Variants in GMEB1 observed in about 807,000 individuals in gnomAD.
GMEB1 encodes glucocorticoid modulatory element-binding protein 1.
Under a neutral mutation model 52.4 loss-of-function variants are expected in GMEB1, and 6 were observed. The observed-to-expected ratio is 0.11, with a 90% CI of 0.06 to 0.23. The LOEUF is 0.23. Ranked by LOEUF, GMEB1 falls within the 10% of genes least tolerant of loss-of-function variation. GMEB1 has a pLI of 1.00. For synonymous variants in GMEB1, 255 were observed against 244.9 expected, an observed-to-expected ratio of 1.04 and a Z score of -0.38; for missense variants, 486 against 685.6, an observed-to-expected ratio of 0.71 and a Z score of 3.25.
intron 9 of GMEB1, among the ~76,000 whole-genome samples, chr1:28,713,859 A>T (rs571790832): frequency 4.1e-4 from 62 of 152,234 alleles, no homozygotes; most frequent in Admixed American, 2.3e-3. Context: ...ATAGTGCGCA[A>T]TGATAGCACC....
intron 1 of GMEB1, among the ~76,000 whole-genome samples, chr1:28,670,311 C>G (rs1359562018): frequency 1.3e-5 from 2 of 151,828 alleles, no homozygotes; most frequent in African/African-American, 4.8e-5. Context: ...TGCCACCACA[C>G]CAGCCAATTT....
rs2124603898 is a variant in GMEB1 at position 28,714,937 on chromosome 1, T to C, written c.*164T>C. The C allele has an allele frequency of 3.3e-6, 2 of 597,880 alleles. No individual in the cohort carries two copies. Among genetic ancestry groups the C allele is most frequent in the East Asian group, 5.6e-5 (2 of 35,666 alleles). The allele number at this position is 597,880 out of a possible 1,614,324, so 37.0% of individuals were successfully genotyped here. A position where few individuals can be genotyped will look rare whatever the true frequency, so the allele number is the denominator to read the frequency against. ...ATGTTGGGTTCTTCCCACTCCCTCATTGAAAAATGGACAAAACAAGCTGCC... is the reference window on the plus strand; with the variant it reads ...ATGTTGGGTTCTTCCCACTCCCTCACTGAAAAATGGACAAAACAAGCTGCC... On this transcript the variant is annotated 3_prime_UTR_variant, in exon 10 of 10. Transcript: ENST00000373816.
chr1:28,677,280 T>C (rs1388341189), intron 1 of GMEB1, among the ~76,000 whole-genome samples: 1 of 151,858 alleles, frequency 6.6e-6, no homozygotes, highest in Non-Finnish European at 1.5e-5. Flanking sequence ...TTTTTGGAGA[T>C]GGAGTATTGC....
In GMEB1 at chr1:28,716,429, C is replaced by T. The variant is rs1485943027; in HGVS notation, c.*1656C>T. Reference sequence around the variant, plus strand: ...CATTTGGTGCTTCCTCTTGTTCTGCCCTCCATCCCTCAACTCTTAATGGCA... The same window carrying T: ...CATTTGGTGCTTCCTCTTGTTCTGCTCTCCATCCCTCAACTCTTAATGGCA... On this transcript the variant is annotated 3_prime_UTR_variant, in exon 10 of 10. Coordinates refer to ENST00000373816, the MANE Select transcript of GMEB1 (RefSeq NM_001319674.2). The T allele has an allele frequency of 1.3e-5, 2 of 152,080 alleles. No individual in the cohort carries two copies. Among genetic ancestry groups the T allele is most frequent in the East Asian group, 1.9e-4 (1 of 5,182 alleles). The allele number at this position is 152,080 out of a possible 1,614,324, so 9.4% of individuals were successfully genotyped here.
At chr1:28,705,950 C>A (rs541952214) in intron 8 of GMEB1, among the ~76,000 whole-genome samples, 1 of 144,346 alleles carries the variant, frequency 6.9e-6, no homozygotes, top group African/African-American at 2.5e-5. Flanking sequence ...GTCAGGAGAT[C>A]GAGACCATCC....
At position 28,690,212 on chromosome 1, in the gene GMEB1, T is replaced by TG. The variant is rs768015672; in HGVS notation, c.211+26_211+27insG. The TG allele has an allele frequency of 1.8e-5, 19 of 1,075,312 alleles. No homozygotes were observed. In the African/African-American group the frequency reaches 2.6e-4, roughly 15 times the overall value. 66.6% of individuals were successfully genotyped at this position (1,075,312 alleles called of 1,614,324 possible). On this transcript the variant is annotated intron_variant, in intron 3 of 9. Coordinates refer to ENST00000373816, the MANE Select transcript of GMEB1 (RefSeq NM_001319674.2). Reference sequence around the variant, plus strand: ...GTAAGGGTTTTTTTGTGTTTTTTTTTTTTTTTTTTTTTGTCATTCTAATAC... The same window carrying TG: ...GTAAGGGTTTTTTTGTGTTTTTTTTTGTTTTTTTTTTTTGTCATTCTAATAC...
chr1:28,686,578 G>A (rs1201810787), intron 2 of GMEB1, among the ~76,000 whole-genome samples: 3 of 144,646 alleles, frequency 2.1e-5, no homozygotes, highest in South Asian at 2.2e-4. Flanking sequence ...GCAGTGAGCC[G>A]AGATTGCACT....
intron 8 of GMEB1, among the ~76,000 whole-genome samples, chr1:28,707,203 A>G (rs982191910): frequency 1.1e-4 from 16 of 151,396 alleles, no homozygotes; most frequent in Middle Eastern, 3.4e-3. Flanking sequence ...AGCGTGGTCT[A>G]GATCTCCTGA....
rs904427123 is a variant in GMEB1, at chr1:28,715,126, A to G, written c.*353A>G. 1 of 209,958 alleles carries G rather than the reference A, an allele frequency of 4.8e-6. No individual in the cohort carries two copies. The highest frequency in any genetic ancestry group is 2.3e-5 in the African/African-American group (1 of 43,346). The allele number at this position is 209,958 out of a possible 1,614,324, so 13.0% of individuals were successfully genotyped here. On this transcript the variant is annotated 3_prime_UTR_variant, in exon 10 of 10. Transcript: ENST00000373816. ...TGTGGTTTTATTCTTGTAAAGATGC[A>G]TTGACCAAACTCTGGAACACAGATC...
Position 28,718,837 on chromosome 1 carries a change from G to T in GMEB1, c.*4064G>T, listed in dbSNP as rs538443763. 1 of 152,294 alleles carries T rather than the reference G, an allele frequency of 6.6e-6. No individual in the cohort carries two copies. The highest frequency in any genetic ancestry group is 6.5e-5 in the Admixed American group (1 of 15,284). 9.4% of individuals were successfully genotyped at this position (152,294 alleles called of 1,614,324 possible). ...AACAAAGCATGAAGTGCCTAACCCA[G>T]CTTAGCGGTGTAGAGGTGGGGTCAG... On this transcript the variant is annotated 3_prime_UTR_variant, in exon 10 of 10. Transcript: ENST00000373816.
chr1:28,714,070 T>A lies in GMEB1; in HGVS notation c.992-3T>A, dbSNP rs1403110902. ...ACACAAAGTCTTTTCTTTTTTTCCA[T>A]AGACTTGGAACGCCAGTTGGAGGAG... On this transcript the variant is annotated splice_region_variant and splice_polypyrimidine_tract_variant and intron_variant, in intron 9 of 9. Transcript: ENST00000373816. 6.3e-7 allele frequency: 1 copy of A among 1,599,060 alleles called. No homozygotes were observed.
intron 1 of GMEB1, among the ~76,000 whole-genome samples, chr1:28,674,480 C>T (rs1481203922): frequency 6.6e-6 from 1 of 151,926 alleles, no homozygotes; most frequent in African/African-American, 2.4e-5. Flanking sequence ...CTGCAACCTC[C>T]GCCTCCTGGG....
intron 1 of GMEB1, among the ~76,000 whole-genome samples, chr1:28,681,663 T>C (rs769476702): frequency 6.6e-6 from 1 of 152,068 alleles, no homozygotes; most frequent in Non-Finnish European, 1.5e-5. Flanking sequence ...GGCAAACAAG[T>C]GCTGTGGGAG....
intron 6 of GMEB1, among the ~76,000 whole-genome samples, chr1:28,698,000 T>C (rs1237356338): frequency 6.6e-6 from 1 of 151,876 alleles, no homozygotes; most frequent in Non-Finnish European, 1.5e-5. Context: ...ATTAGCCAGG[T>C]GTGGTGGCGT....
Position 28,692,307 on chromosome 1 carries a change from G to A in GMEB1, c.336+598G>A, listed in dbSNP as rs148674668. Among the ~76,000 whole-genome samples, 507 of 152,040 alleles carry A rather than the reference G, an allele frequency of 3.3e-3. 3 individuals are homozygous for A. Among genetic ancestry groups the A allele is most frequent in the African/African-American group, 0.012 (488 of 41,490 alleles). ...AGCACTTTGGGAGGCTGAGGTGAGTGGATCACCTGAGGTCAGGAGGTAGAG... is the reference window on the plus strand; with the variant it reads ...AGCACTTTGGGAGGCTGAGGTGAGTAGATCACCTGAGGTCAGGAGGTAGAG... On this transcript the variant is annotated intron_variant, in intron 4 of 9. Coordinates refer to ENST00000373816, the MANE Select transcript of GMEB1 (RefSeq NM_001319674.2).
At chr1:28,713,021 G>A (rs1391847417) in intron 9 of GMEB1, among the ~76,000 whole-genome samples, 1 of 151,204 alleles carries the variant, frequency 6.6e-6, no homozygotes, top group Non-Finnish European at 1.5e-5. Flanking sequence ...AGCCAGGCGC[G>A]GTGGCGGGCG....
rs1419046665 is a variant in GMEB1, at chr1:28,668,815, G to GCCGC, written c.-43_-40dup. On this transcript the variant is annotated 5_prime_UTR_variant, in exon 1 of 10. The change creates a premature stop within an existing upstream ORF in the 5' untranslated region. Transcript: ENST00000373816. ...CGTCGCCTGCCCGCCCTGGCCGCTC[G>GCCGC]CCGCCCGCCCGCCCGACGGAGACGG... is the stretch of plus-strand genomic sequence containing the variant. The GCCGC allele has an allele frequency of 4.8e-5, 7 of 145,174 alleles. 1 individual carries two copies. Among genetic ancestry groups the GCCGC allele is most frequent in the South Asian group, 2.2e-4 (1 of 4,616 alleles). The allele number at this position is 145,174 out of a possible 1,614,324, so 9.0% of individuals were successfully genotyped here.
At chr1:28,671,807 A>G (rs1398255468) in intron 1 of GMEB1, among the ~76,000 whole-genome samples, 1 of 151,956 alleles carries the variant, frequency 6.6e-6, no homozygotes, top group African/African-American at 2.4e-5. Flanking sequence ...AAAAGTTATA[A>G]TAGAGTGTGG....
chr1:28,700,542 G>C (rs1670453403), intron 6 of GMEB1, among the ~76,000 whole-genome samples: 2 of 148,698 alleles, frequency 1.3e-5, no homozygotes, highest in South Asian at 4.2e-4. Context: ...AAAATTAGCT[G>C]TGCATGGTGG....
Sources: gnomAD v4.1 joint callset for allele counts (sites outside exome capture counted in the v4.1 genomes callset) on GRCh38, gnomAD v4.1.1 for gene constraint, MANE v1.5 for transcripts, NCBI Gene and HGNC (gene_info 2026-07-23, HGNC 2026-07-21) for gene names.